The following STPG2 variants were observed in gnomAD, a reference collection of about 807,000 sequenced individuals.
The protein encoded by STPG2 is sperm tail PG-rich repeat containing 2.
A neutral mutation model predicts 54.2 loss-of-function variants in STPG2; 56 were observed. The ratio of observed to expected loss-of-function variants is 1.03; its 90% confidence interval spans 0.83 to 1.29. The LOEUF is 1.29. STPG2 is among the 50% of genes most tolerant of loss of function. STPG2 has a pLI of 0.00. For missense variants in STPG2, 596 were observed against 544.9 expected, an observed-to-expected ratio of 1.09 and a Z score of -0.93; for synonymous variants, 200 against 181.8, an observed-to-expected ratio of 1.10 and a Z score of -0.81.
intron 9 of STPG2, among the ~76,000 whole-genome samples, chr4:97,768,166 C>CAAAAAA (rs35923469): frequency 7.9e-6 from 1 of 126,984 alleles, no homozygotes. Flanking sequence ...GACTCCGTCT[C>CAAAAAA]AAAAAAAAAA....
At chr4:97,960,712 T>C (rs1195764143) in intron 7 of STPG2, among the ~76,000 whole-genome samples, 3 of 151,884 alleles carry the variant, frequency 2.0e-5, no homozygotes, top group South Asian at 2.1e-4. Flanking sequence ...AAAAAACAAA[T>C]AGAAACACAT....
At chr4:97,934,887 A>C (rs1389837799) in intron 8 of STPG2, among the ~76,000 whole-genome samples, 2 of 152,012 alleles carry the variant, frequency 1.3e-5, no homozygotes, top group African/African-American at 4.8e-5. Flanking sequence ...AGTTAAGGAG[A>C]AGCCCCACCT....
intron 9 of STPG2, among the ~76,000 whole-genome samples, chr4:97,765,984 C>T (rs1726036203): frequency 6.6e-6 from 1 of 152,064 alleles, no homozygotes; most frequent in African/African-American, 2.4e-5. Context: ...AGGGAACTTT[C>T]TAACTTGCAG....
chr4:97,744,744 A>G (rs1725371768), intron 9 of STPG2, among the ~76,000 whole-genome samples: 1 of 151,482 alleles, frequency 6.6e-6, no homozygotes, highest in Admixed American at 6.6e-5. Flanking sequence ...ACTATGCTGT[A>G]TAAAAGCTAT....
chr4:97,924,414 A>G (rs1732256661), intron 8 of STPG2, among the ~76,000 whole-genome samples: 1 of 152,190 alleles, frequency 6.6e-6, no homozygotes. Flanking sequence ...AAAACTCCCA[A>G]TGGGAAGGTC....
chr4:98,114,765 T>TTTTG (rs1553943344), intron 3 of STPG2, among the ~76,000 whole-genome samples: 14 of 148,778 alleles, frequency 9.4e-5, no homozygotes, highest in African/African-American at 3.5e-4. Flanking sequence ...TTTTTTTTTT[T>TTTTG]TGTGTGTGTG....
chr4:98,068,101 A>G (rs1358180695), intron 5 of STPG2, among the ~76,000 whole-genome samples: 1 of 152,148 alleles, frequency 6.6e-6, no homozygotes, highest in Non-Finnish European at 1.5e-5. Context: ...ATGAACATCA[A>G]GTAACATCCA....
intron 10 of STPG2, among the ~76,000 whole-genome samples, chr4:97,674,435 T>TTGG (rs1214509311): frequency 6.6e-6 from 1 of 152,178 alleles, no homozygotes; most frequent in East Asian, 1.9e-4. Flanking sequence ...GAGCAGTAAA[T>TTGG]TGGTCAAAAT....
rs1730784095 is a variant in STPG2 at position 97,503,801 on chromosome 4, T to C, written c.462+208898A>G. Among the ~76,000 whole-genome samples the C allele has an allele frequency of 2.1e-5, 3 of 140,512 alleles. No individual in the cohort carries two copies. In the South Asian group the frequency reaches 6.6e-4, roughly 31 times the overall value. 92.2% of individuals were successfully genotyped at this position (140,512 alleles called of 152,430 possible). A position where few individuals can be genotyped will look rare whatever the true frequency, so the allele number is the denominator to read the frequency against. ...TATTTTCATATTCATATAAATATAT[T>C]TTAAAAATATATTTAAATATTTTAA... On this transcript the variant is annotated intron_variant, in intron 4 of 4. Transcript: ENST00000522676.
intron 10 of STPG2, among the ~76,000 whole-genome samples, chr4:97,620,277 C>A (rs1276001316): frequency 6.6e-6 from 1 of 152,140 alleles, no homozygotes; most frequent in African/African-American, 2.4e-5. Context: ...ATAAAAGTTG[C>A]AGGAAAATTC....
Position 98,143,471 on chromosome 4 carries a change from G to A in STPG2, c.-321C>T, listed in dbSNP as rs376817085. On this transcript the variant is annotated 5_prime_UTR_variant, in exon 1 of 11. Coordinates refer to ENST00000295268, the MANE Select transcript of STPG2 (RefSeq NM_174952.3). ...ATTAGACGCTCGCCCCGGTGCTTCC[G>A]GCCCTGACTCCGCCCACTTCTCTCC... is the stretch of plus-strand genomic sequence containing the variant. Among the ~76,000 whole-genome samples, 1 of 152,124 alleles carries A rather than the reference G, an allele frequency of 6.6e-6. No homozygotes were observed. Among genetic ancestry groups the A allele is most frequent in the African/African-American group, 2.4e-5 (1 of 41,434 alleles).
At chr4:97,944,241 G>A (rs1468876087) in intron 7 of STPG2, among the ~76,000 whole-genome samples, 2 of 151,918 alleles carry the variant, frequency 1.3e-5, no homozygotes, top group Non-Finnish European at 2.9e-5. Flanking sequence ...TAAGTATAAT[G>A]GATCTGCACA....
At chr4:97,595,556 A>C (rs967434240) in intron 10 of STPG2, among the ~76,000 whole-genome samples, 4 of 152,124 alleles carry the variant, frequency 2.6e-5, no homozygotes, top group Non-Finnish European at 5.9e-5. Flanking sequence ...TATGTAACAA[A>C]CCTGCATGTT....
At chr4:98,137,393 G>A (rs1489599779) in intron 1 of STPG2, among the ~76,000 whole-genome samples, 1 of 151,690 alleles carries the variant, frequency 6.6e-6, no homozygotes, top group Non-Finnish European at 1.5e-5. Context: ...AGGCCAAAAA[G>A]AAAATTTTGG....
rs146400862 is a variant in STPG2, at chr4:97,800,371, C to T, written c.1204+40402G>A. Among the ~76,000 whole-genome samples the T allele has an allele frequency of 3.5e-3, 532 of 152,282 alleles. 3 individuals are homozygous for T. Among genetic ancestry groups the T allele is most frequent in the South Asian group, 0.016 (78 of 4,822 alleles). On this transcript the variant is annotated intron_variant, in intron 9 of 10. Coordinates refer to ENST00000295268, the MANE Select transcript of STPG2 (RefSeq NM_174952.3). ...ACAAATGGGGTTTTGGTGTGGACAT[C>T]CTTTCTGTTTGTTAGTTTTCCTTCT...
intron 3 of STPG2, among the ~76,000 whole-genome samples, chr4:98,126,081 C>A (rs969371206): frequency 6.6e-6 from 1 of 152,220 alleles, no homozygotes; most frequent in African/African-American, 2.4e-5. Flanking sequence ...ACTCAGTCAT[C>A]TTAGGCAGTC....
intron 9 of STPG2, among the ~76,000 whole-genome samples, chr4:97,781,734 A>G (rs565607369): frequency 3.9e-5 from 6 of 152,244 alleles, no homozygotes; most frequent in East Asian, 1.9e-4. Flanking sequence ...CTTATCCACC[A>G]TGATCAAGTG....
At chr4:98,018,059 T>C (rs995475766) in intron 5 of STPG2, among the ~76,000 whole-genome samples, 2 of 152,164 alleles carry the variant, frequency 1.3e-5, no homozygotes, top group Admixed American at 1.3e-4. Context: ...AGGGTACATG[T>C]GCACAATGTG....
At position 97,559,131 on chromosome 4, in the gene STPG2, A is replaced by G. The variant is rs1732154776; in HGVS notation, c.1321-14T>C. The G allele has an allele frequency of 1.3e-6, 2 of 1,563,024 alleles. No individual in the cohort carries two copies. Among genetic ancestry groups the G allele is most frequent in the African/African-American group, 2.7e-5 (2 of 72,842 alleles). ...CTCCTGGGATATCTGTTTAATAAGA[A>G]TGAGAAAAAAAGGAGGAAAACATCT... On this transcript the variant is annotated splice_polypyrimidine_tract_variant and intron_variant, in intron 10 of 10. Transcript: ENST00000295268.
Sources: gnomAD v4.1 joint callset for allele counts (sites outside exome capture counted in the v4.1 genomes callset) on GRCh38, gnomAD v4.1.1 for gene constraint, MANE v1.5 for transcripts, NCBI Gene and HGNC (gene_info 2026-07-23, HGNC 2026-07-21) for gene names.